The following TRPC4AP variants were observed in gnomAD, a reference collection of about 807,000 sequenced individuals.
TRPC4AP encodes transient receptor potential cation channel subfamily C member 4 associated protein.
In TRPC4AP, 45 loss-of-function variants were observed where a neutral mutation model predicts 99.0. That is an observed-to-expected ratio of 0.45 (90% CI 0.36 to 0.58). The LOEUF (loss-of-function observed/expected upper bound fraction) is 0.58, where lower values mean the gene tolerates loss of function less well. TRPC4AP is among the 20% of genes least tolerant of loss of function. The pLI, the probability that TRPC4AP is intolerant of heterozygous loss-of-function variation, is 0.00. For missense variants in TRPC4AP, 879 were observed against 985.3 expected, an observed-to-expected ratio of 0.89 and a Z score of 1.44; for synonymous variants, 408 against 385.8, an observed-to-expected ratio of 1.06 and a Z score of -0.67.
intron 8 of TRPC4AP, among the ~76,000 whole-genome samples, chr20:35,023,639 C>G (rs2082945579): frequency 6.6e-6 from 1 of 152,214 alleles, no homozygotes; most frequent in African/African-American, 2.4e-5. Flanking sequence ...GCTTCCAGAA[C>G]AGTTAAGTGT....
intron 5 of TRPC4AP, among the ~76,000 whole-genome samples, chr20:35,052,591 G>A (rs2083731606): frequency 6.6e-6 from 1 of 152,048 alleles, no homozygotes; most frequent in South Asian, 2.1e-4. Flanking sequence ...TGCCTGCTGG[G>A]TTCAAGTGAT....
chr20:35,054,199 T>TA lies in TRPC4AP; in HGVS notation c.528+776_528+777insT, dbSNP rs1421919318. ...GAAATGGAGCTAAATGTTTTTTTTT[T>TA]TTTATTTCCACAGCATACAGGGTTC... is the stretch of plus-strand genomic sequence containing the variant. On this transcript the variant is annotated intron_variant, in intron 5 of 18. Coordinates refer to ENST00000252015, the MANE Select transcript of TRPC4AP (RefSeq NM_015638.3). 4.0e-5 allele frequency among the ~76,000 whole-genome samples: 6 copies of TA among 151,884 alleles called. No homozygotes were observed. The East Asian group carries it at 1.2e-3, about 29-fold the overall frequency.
chr20:35,027,298 G>A (rs2083055577), intron 8 of TRPC4AP, among the ~76,000 whole-genome samples: 1 of 152,142 alleles, frequency 6.6e-6, no homozygotes, highest in Admixed American at 6.5e-5. Context: ...TGCTCCTATG[G>A]AAACGATCAT....
At chr20:35,084,042 G>A (rs1297728901) in intron 1 of TRPC4AP, among the ~76,000 whole-genome samples, 3 of 151,976 alleles carry the variant, frequency 2.0e-5, no homozygotes, top group East Asian at 1.9e-4. Context: ...GCTCACACCT[G>A]TAATCCCAGC....
At chr20:35,017,505 G>C (rs550858747) in intron 9 of TRPC4AP, among the ~76,000 whole-genome samples, 1 of 152,142 alleles carries the variant, frequency 6.6e-6, no homozygotes, top group African/African-American at 2.4e-5. Flanking sequence ...AGCCCTTCTC[G>C]GGGCTGTTGT....
Position 35,086,493 on chromosome 20 carries a change from A to ATG in TRPC4AP, c.168+6120_168+6121insCA, listed in dbSNP as rs1361056430. Among the ~76,000 whole-genome samples the ATG allele has an allele frequency of 3.8e-4, 50 of 132,598 alleles. 1 individual carries two copies. Among genetic ancestry groups the ATG allele is most frequent in the African/African-American group, 1.5e-3 (50 of 34,046 alleles). The allele number at this position is 132,598 out of a possible 152,430, so 87.0% of individuals were successfully genotyped here. A position where few individuals can be genotyped will look rare whatever the true frequency, so the allele number is the denominator to read the frequency against. ...TGTGTGTGTATGTGTGTGTATATATATATGTGTATATATATGTGTGTGTGT... is the reference window on the plus strand; with the variant it reads ...TGTGTGTGTATGTGTGTGTATATATATGTATGTGTATATATATGTGTGTGTGT... On this transcript the variant is annotated intron_variant, in intron 1 of 18. Coordinates refer to ENST00000252015, the MANE Select transcript of TRPC4AP (RefSeq NM_015638.3).
chr20:35,049,106 G>T (rs2083632663), intron 6 of TRPC4AP, among the ~76,000 whole-genome samples: 2 of 152,174 alleles, frequency 1.3e-5, no homozygotes, highest in African/African-American at 4.8e-5. Flanking sequence ...GCTCAGGACA[G>T]ATTAGGACTG....
intron 3 of TRPC4AP, among the ~76,000 whole-genome samples, chr20:35,065,449 G>A (rs1476894010): frequency 6.6e-6 from 1 of 152,130 alleles, no homozygotes; most frequent in Non-Finnish European, 1.5e-5. Context: ...TTATGGATAG[G>A]GTCAGGCTGA....
rs371048426 is a variant in TRPC4AP at position 35,025,973 on chromosome 20, CT to C, written c.1052-4618del. ...ATATGACATAAGGCAGGGGATCTAA[CT>C]TCATTCTTTCGCATGTGGACATCAA... On this transcript the variant is annotated intron_variant, in intron 8 of 18. Coordinates refer to ENST00000252015, the MANE Select transcript of TRPC4AP (RefSeq NM_015638.3). Among the ~76,000 whole-genome samples, 1,160 of 152,260 alleles carry C rather than the reference CT, an allele frequency of 7.6e-3. 13 individuals carry two copies. The highest frequency in any genetic ancestry group is 0.024 in the African/African-American group (995 of 41,558).
chr20:35,086,491 ATATATGTGTATATATATGTG>A (rs2084866150), intron 1 of TRPC4AP, among the ~76,000 whole-genome samples: 3 of 136,088 alleles, frequency 2.2e-5, no homozygotes, highest in Non-Finnish European at 4.7e-5. Flanking sequence ...GTGTGTATAT[ATATATGTGTATATATATGTG>A]TGTGTGTGTA....
Position 35,002,524 on chromosome 20 carries a change from A to G in TRPC4AP, c.*622T>C, listed in dbSNP as rs1368744717. 1 of 249,030 alleles carries G rather than the reference A, an allele frequency of 4.0e-6. No individual in the cohort carries two copies. Among genetic ancestry groups the G allele is most frequent in the African/African-American group, 2.2e-5 (1 of 44,804 alleles). The allele number at this position is 249,030 out of a possible 1,614,324, so 15.4% of individuals were successfully genotyped here. ...TCAGGCAGGAGCGGCTGCCTCAGGC[A>G]GAGGCAGGGCAGGCACAGCTGCCCC... On this transcript the variant is annotated 3_prime_UTR_variant, in exon 19 of 19. Coordinates refer to ENST00000252015, the MANE Select transcript of TRPC4AP (RefSeq NM_015638.3).
Position 35,029,628 on chromosome 20 carries a change from C to CTT in TRPC4AP, c.1051+5493_1051+5494dup, listed in dbSNP as rs35372826. Reference sequence around the variant, plus strand: ...TTTACTATATTTCCCAAGTTACTTTCTTTTTTTTTTTTTTTTTTTTTTTTT... The same window carrying CTT: ...TTTACTATATTTCCCAAGTTACTTTCTTTTTTTTTTTTTTTTTTTTTTTTTTT... On this transcript the variant is annotated intron_variant, in intron 8 of 18. Transcript: ENST00000252015. 8.7e-3 allele frequency among the ~76,000 whole-genome samples: 344 copies of CTT among 39,424 alleles called. 24 individuals are homozygous for CTT. Among genetic ancestry groups the CTT allele is most frequent in the Admixed American group, 0.013 (29 of 2,208 alleles). The allele number at this position is 39,424 out of a possible 152,430, so 25.9% of individuals were successfully genotyped here.
Position 35,006,608 on chromosome 20 carries a change from C to T in TRPC4AP, c.1687-33G>A, listed in dbSNP as rs115116598. On this transcript the variant is annotated intron_variant, in intron 14 of 18. Transcript: ENST00000252015. Reference sequence around the variant, plus strand: ...AGGAGGGACAGGGTGAAGGTGTCAACGTGGCTGCCCCCACCAGGGCCTGGC... The same window carrying T: ...AGGAGGGACAGGGTGAAGGTGTCAATGTGGCTGCCCCCACCAGGGCCTGGC... 6.6e-4 allele frequency: 1,056 copies of T among 1,603,804 alleles called. 3 individuals are homozygous for T. In the African/African-American group the frequency reaches 0.012, roughly 19 times the overall value.
intron 8 of TRPC4AP, 148 bp from the exon 9 acceptor site, chr20:35,021,504 C>T (rs2147297343): frequency 2.3e-6 from 2 of 874,380 alleles, no homozygotes; most frequent in African/African-American, 1.7e-5. Context: ...GCAAAACTCC[C>T]TCCACAATCC....
At chr20:35,015,982 T>A (rs1220821120) in intron 10 of TRPC4AP, 26 bp downstream of exon 10, 1 of 1,613,808 alleles carries the variant, frequency 6.2e-7, no homozygotes. Context: ...TGAGGCCCCA[T>A]CTGTCCCCGG....
At chr20:35,032,804 T>C (rs2147330685) in intron 8 of TRPC4AP, among the ~76,000 whole-genome samples, 1 of 152,092 alleles carries the variant, frequency 6.6e-6, no homozygotes, top group Non-Finnish European at 1.5e-5. Context: ...TGCTGTTAAA[T>C]CTGGTATCTG....
intron 11 of TRPC4AP, among the ~76,000 whole-genome samples, chr20:35,012,747 T>A (rs1340549418): frequency 6.6e-6 from 1 of 152,154 alleles, no homozygotes; most frequent in East Asian, 1.9e-4. Context: ...CCAAAGGTAG[T>A]AAGGGGCCAA....
At chr20:35,024,854 A>ACAAAAAAAAAAAAAACAT (rs1555904987) in intron 8 of TRPC4AP, among the ~76,000 whole-genome samples, 1 of 89,480 alleles carries the variant, frequency 1.1e-5, no homozygotes, top group African/African-American at 3.9e-5. Context: ...AAAAAAAAAA[A>ACAAAAAAAAAAAAAACAT]ATTCTGTTTA....
At chr20:35,070,958 C>G (rs975580492) in intron 2 of TRPC4AP, among the ~76,000 whole-genome samples, 1 of 152,192 alleles carries the variant, frequency 6.6e-6, no homozygotes, top group African/African-American at 2.4e-5. Flanking sequence ...GATCACATAG[C>G]AAAGATATAC....
Sources: allele counts gnomAD v4.1 joint callset (sites outside exome capture counted in the v4.1 genomes callset), GRCh38; gene constraint gnomAD v4.1.1; transcripts MANE v1.5; gene names NCBI Gene and HGNC (gene_info 2026-07-23, HGNC 2026-07-21).